Variants in KIF26B observed in about 807,000 individuals in gnomAD.
KIF26B encodes kinesin family member 26B.
A neutral mutation model predicts 151.2 loss-of-function variants in KIF26B; 63 were observed. The observed-to-expected ratio is 0.42, with a 90% CI of 0.34 to 0.51. The LOEUF is 0.51. KIF26B is among the 20% of genes least tolerant of loss of function. The pLI, the probability that KIF26B is intolerant of heterozygous loss-of-function variation, is 0.07. For missense variants in KIF26B, 2,813 were observed against 2,913.6 expected (o/e 0.97, Z 0.79); for synonymous variants, 1,357 against 1,262.1 (o/e 1.08, Z -1.59).
At chr1:245,307,354 A>G (rs1342551004) in intron 2 of KIF26B, among the ~76,000 whole-genome samples, 1 of 152,142 alleles carries the variant, frequency 6.6e-6, no homozygotes, top group Non-Finnish European at 1.5e-5. Flanking sequence ...CTGGTAAATA[A>G]ATTAGTGTTC....
Position 245,685,991 on chromosome 1 carries a change from G to T in KIF26B, c.3008G>T (p.Arg1003Met), listed in dbSNP as rs747747194. Residue 1003 changes from arginine to methionine, a missense_variant, in exon 12 of 15, where the codon AGG becomes ATG. Coordinates refer to ENST00000407071, the MANE Select transcript of KIF26B (RefSeq NM_018012.4). ...GAACTCCCAGCCTCCAAGATGCAGA[G>T]GAGTCACTCACCTGTGCCCGCCGCG... is the stretch of plus-strand genomic sequence containing the variant. ...GPELPASKMQ[R>M]SHSPVPAAAP... 46 of 1,594,936 alleles carry T rather than the reference G, an allele frequency of 2.9e-5. No individual in the cohort carries two copies. The South Asian group carries it at 5.1e-4, about 18-fold the overall frequency.
chr1:245,453,410 T>C (rs574383772), intron 4 of KIF26B, among the ~76,000 whole-genome samples: 1 of 152,342 alleles, frequency 6.6e-6, no homozygotes, highest in East Asian at 1.9e-4. Context: ...TTTAAAGTAT[T>C]GCATTAAAAG....
chr1:245,635,391 A>G lies in KIF26B; in HGVS notation c.2099-10730A>G, dbSNP rs527284241. Among the ~76,000 whole-genome samples the G allele has an allele frequency of 2.0e-5, 3 of 151,980 alleles. No homozygotes were observed. In the South Asian group the frequency reaches 6.2e-4, roughly 32 times the overall value. On this transcript the variant is annotated intron_variant, in intron 9 of 14. Coordinates refer to ENST00000407071, the MANE Select transcript of KIF26B (RefSeq NM_018012.4). ...TTTTCATCTTTCAAGACATTTTTCC[A>G]TTCTTACACATTGTTTAATTTACTG...
Position 245,698,172 on chromosome 1 carries a change from C to G in KIF26B, c.5891C>G (p.Pro1964Arg), listed in dbSNP as rs565378969. ...LDTSSPVRKP[P>R]NSTGVRWVDG... ...ACCTCTTCCCCTGTGAGAAAACCCC[C>G]CAACAGCACAGGCGTCCGCTGGGTG... Residue 1964 changes from proline to arginine, a missense_variant, in exon 13 of 15, where the codon CCC becomes CGC. Pro to Arg is a moderately radical substitution (Grantham distance 103). Transcript: ENST00000407071. This position sits in a 1 kb window ranked among gnomAD's most constrained non-coding sequence, Gnocchi z 4.0. 6.2e-7 allele frequency: 1 copy of G among 1,614,056 alleles called. No individual in the cohort carries two copies. Among genetic ancestry groups the G allele is most frequent in the Admixed American group, 1.7e-5 (1 of 60,036 alleles).
chr1:245,185,974 A>G (rs1451928361), intron 2 of KIF26B, among the ~76,000 whole-genome samples: 2 of 152,018 alleles, frequency 1.3e-5, no homozygotes, highest in African/African-American at 2.4e-5. Context: ...TCCCGGATTC[A>G]AGCAATTCTC....
Position 245,178,606 on chromosome 1 carries a change from T to G in KIF26B, c.465+21923T>G, listed in dbSNP as rs145707713. On this transcript the variant is annotated intron_variant, in intron 2 of 14. Coordinates refer to ENST00000407071, the MANE Select transcript of KIF26B (RefSeq NM_018012.4). ...CATCATCTCAAACCAAAACTCCAAA[T>G]GCATTAAGCAATAACTTTTGTTATT... is the stretch of plus-strand genomic sequence containing the variant. Among the ~76,000 whole-genome samples, 9 of 152,326 alleles carry G rather than the reference T, an allele frequency of 5.9e-5. No individual in the cohort carries two copies. In the East Asian group the frequency reaches 1.7e-3, roughly 29 times the overall value.
intron 9 of KIF26B, among the ~76,000 whole-genome samples, chr1:245,628,627 G>A (rs974796900): frequency 6.6e-6 from 1 of 152,150 alleles, no homozygotes; most frequent in African/African-American, 2.4e-5. Context: ...AGCTATTTAT[G>A]ACAAACCCAT....
intron 10 of KIF26B, among the ~76,000 whole-genome samples, chr1:245,654,382 G>A (rs963310226): frequency 6.6e-6 from 1 of 152,152 alleles, no homozygotes. Flanking sequence ...CTTTGAACCT[G>A]TGTGCAGGGC....
rs1387239103 is a variant in KIF26B at position 245,488,119 on chromosome 1, A to G, written c.1167-52648A>G. Among the ~76,000 whole-genome samples, 2 of 152,008 alleles carry G rather than the reference A, an allele frequency of 1.3e-5. No homozygotes were observed. The highest frequency in any genetic ancestry group is 2.9e-5 in the Non-Finnish European group (2 of 68,000). On this transcript the variant is annotated intron_variant, in intron 4 of 14. Coordinates refer to ENST00000407071, the MANE Select transcript of KIF26B (RefSeq NM_018012.4). This position sits in a 1 kb window ranked among gnomAD's most constrained non-coding sequence, Gnocchi z 4.6. ...CTTTTTAAGTACAGGTGGAGGTCTC[A>G]TTATGTTGCACAGGCTGGTTTCAAA...
At chr1:245,279,059 G>A (rs566113432) in intron 2 of KIF26B, among the ~76,000 whole-genome samples, 29 of 152,204 alleles carry the variant, frequency 1.9e-4, no homozygotes, top group African/African-American at 6.0e-4. Flanking sequence ...TCATGCTTAC[G>A]GAGCACGTGA....
chr1:245,425,084 A>G (rs1343595115), intron 4 of KIF26B, among the ~76,000 whole-genome samples: 5 of 147,354 alleles, frequency 3.4e-5, no homozygotes, highest in African/African-American at 1.3e-4. Context: ...TTTTTTTTGC[A>G]TGATTTTCAC....
intron 4 of KIF26B, among the ~76,000 whole-genome samples, chr1:245,528,022 G>A (rs1661278686): frequency 6.6e-6 from 1 of 152,134 alleles, no homozygotes. Flanking sequence ...GGAACATAAA[G>A]ACCTGCAGTC....
chr1:245,605,557 C>T (rs934084363), intron 6 of KIF26B, among the ~76,000 whole-genome samples: 2 of 152,210 alleles, frequency 1.3e-5, no homozygotes, highest in Non-Finnish European at 2.9e-5. Flanking sequence ...CTTCGGCAGT[C>T]GCTGGCTGCC....
chr1:245,629,781 A>C (rs2043760688), intron 9 of KIF26B, among the ~76,000 whole-genome samples: 1 of 152,206 alleles, frequency 6.6e-6, no homozygotes. Context: ...TGCACAGCAA[A>C]AGAAACTAGC....
chr1:245,393,651 C>T (rs1204158451), intron 3 of KIF26B, among the ~76,000 whole-genome samples: 3 of 152,104 alleles, frequency 2.0e-5, no homozygotes, highest in Middle Eastern at 3.2e-3. Context: ...TTCTTTAGGT[C>T]TTTTCTTTTG....
intron 14 of KIF26B, 54 bp downstream of exon 14, chr1:245,699,091 C>A: frequency 1.3e-6 from 2 of 1,569,030 alleles, no homozygotes; most frequent in Non-Finnish European, 1.7e-6. Context: ...CCTGCTCAAC[C>A]GGGCTGGCGT....
At chr1:245,584,134 G>C (rs981515541) in intron 5 of KIF26B, among the ~76,000 whole-genome samples, 1 of 152,160 alleles carries the variant, frequency 6.6e-6, no homozygotes, top group African/African-American at 2.4e-5. Context: ...TCATGATAGT[G>C]AGTTCTCCCA....
intron 2 of KIF26B, among the ~76,000 whole-genome samples, chr1:245,268,470 AAATAATAATAATAATAAT>A (rs59590596): frequency 3.0e-3 from 405 of 134,744 alleles, no homozygotes; most frequent in East Asian, 0.022. Flanking sequence ...CTCCATCTCC[AAATAATAATAATAATAAT>A]AATAATAATA....
At chr1:245,530,591 A>C (rs2103096491) in intron 4 of KIF26B, among the ~76,000 whole-genome samples, 1 of 152,382 alleles carries the variant, frequency 6.6e-6, no homozygotes, top group South Asian at 2.1e-4. Context: ...CCAGAAAAAC[A>C]GACTTCACAT....
Sources: gnomAD v4.1 joint callset for allele counts (sites outside exome capture counted in the v4.1 genomes callset) on GRCh38, gnomAD v4.1.1 for gene constraint, Gnocchi (gnomAD v3.1) non-coding constraint, MANE v1.5 for transcripts, NCBI Gene and HGNC (gene_info 2026-07-23, HGNC 2026-07-21) for gene names.